Variants in ORC5 observed in about 807,000 individuals in gnomAD.
The protein encoded by ORC5 is origin recognition complex subunit 5.
Under a neutral mutation model 58.8 loss-of-function variants are expected in ORC5, and 39 were observed. The ratio of observed to expected loss-of-function variants is 0.66; its 90% CI spans 0.51 to 0.87. ORC5 has a LOEUF of 0.87. Ranked by LOEUF, ORC5 falls within the 40% of genes least tolerant of loss-of-function variation. The pLI is 0.00. For missense variants in ORC5, 493 were observed against 506.3 expected (o/e 0.97, Z 0.25); for synonymous variants, 218 against 177.6 (o/e 1.23, Z -1.81).
intron 12 of ORC5, among the ~76,000 whole-genome samples, chr7:104,153,813 T>TTA (rs1345107118): frequency 1.3e-5 from 2 of 152,306 alleles, no homozygotes; most frequent in African/African-American, 4.8e-5. Flanking sequence ...ATGTTACTCT[T>TTA]TATGTCTACA....
intron 12 of ORC5, among the ~76,000 whole-genome samples, chr7:104,158,763 C>G (rs962627230): frequency 6.6e-6 from 1 of 151,594 alleles, no homozygotes; most frequent in East Asian, 1.9e-4. Flanking sequence ...AAATGCAAAT[C>G]AAAACCACAA....
chr7:104,187,626 C>T (rs576010826), intron 6 of ORC5: 100 of 372,590 alleles, frequency 2.7e-4, no homozygotes, highest in African/African-American at 2.1e-3. Flanking sequence ...TTTCCTTTCC[C>T]ATCCCTACAA....
intron 12 of ORC5, among the ~76,000 whole-genome samples, chr7:104,160,806 TATTTA>T (rs1285855294): frequency 6.6e-6 from 1 of 152,170 alleles, no homozygotes. Flanking sequence ...TAATTATGAT[TATTTA>T]ATTTTAAAAA....
intron 12 of ORC5, among the ~76,000 whole-genome samples, chr7:104,157,714 A>T (rs1457201761): frequency 1.3e-5 from 2 of 152,096 alleles, no homozygotes; most frequent in Admixed American, 1.3e-4. Context: ...ATTGCTGAAG[A>T]GTTTATTTCT....
intron 8 of ORC5, among the ~76,000 whole-genome samples, chr7:104,180,297 A>G (rs1799407026): frequency 6.6e-6 from 1 of 151,976 alleles, no homozygotes; most frequent in Non-Finnish European, 1.5e-5. Context: ...CTTTTTTGGT[A>G]ACTGTCCCAA....
intron 13 of ORC5, among the ~76,000 whole-genome samples, chr7:104,134,194 G>A (rs1798554387): frequency 6.6e-6 from 1 of 151,990 alleles, no homozygotes; most frequent in South Asian, 2.1e-4. Context: ...GGCCGATGCA[G>A]GCAGATCAAC....
At chr7:104,165,475 T>C (rs1799092241) in intron 10 of ORC5, 193 bp from the exon 11 acceptor site, 1 of 416,318 alleles carries the variant, frequency 2.4e-6, no homozygotes, top group African/African-American at 2.1e-5. Context: ...TAGACTTGGA[T>C]TGGATATAAA....
intron 13 of ORC5, among the ~76,000 whole-genome samples, chr7:104,128,816 C>T (rs1798469743): frequency 6.6e-6 from 1 of 151,474 alleles, no homozygotes; most frequent in African/African-American, 2.4e-5. Context: ...TCTCCAGGCA[C>T]ATTTCTCCAC....
chr7:104,182,036 T>C (rs1799444697), intron 8 of ORC5, among the ~76,000 whole-genome samples: 4 of 152,208 alleles, frequency 2.6e-5, no homozygotes, highest in African/African-American at 7.2e-5. Context: ...GTTTTATGCA[T>C]TGTATTTGAG....
intron 5 of ORC5, among the ~76,000 whole-genome samples, chr7:104,192,065 T>C (rs1176029363): frequency 1.3e-5 from 2 of 152,180 alleles, no homozygotes; most frequent in East Asian, 3.9e-4. Flanking sequence ...CCAGGCTTTC[T>C]AACAAGAAGT....
In ORC5 at chr7:104,168,559, A is replaced by G. The variant is rs2307409; in HGVS notation, c.825-34T>C. ...AAATAGAAGAGCAAAAATGAATTAA[A>G]AATAAATAAAATCAATATGGTGTAC... On this transcript the variant is annotated intron_variant, in intron 8 of 13. Coordinates refer to ENST00000297431, the MANE Select transcript of ORC5 (RefSeq NM_002553.4). 0.02 allele frequency: 27,235 copies of G among 1,349,216 alleles called. 4,196 individuals carry two copies. In the African/African-American group the frequency reaches 0.34, roughly 17 times the overall value. The allele number at this position is 1,349,216 out of a possible 1,614,324, so 83.6% of individuals were successfully genotyped here.
At chr7:104,165,754 T>C (rs556163219) in intron 10 of ORC5, 1 of 158,552 alleles carries the variant, frequency 6.3e-6, no homozygotes, top group African/African-American at 2.4e-5. Flanking sequence ...AAACAATAGA[T>C]GTGGTCCTTG....
At chr7:104,157,851 C>T (rs1336512307) in intron 12 of ORC5, among the ~76,000 whole-genome samples, 1 of 152,070 alleles carries the variant, frequency 6.6e-6, no homozygotes, top group Admixed American at 6.6e-5. Context: ...TGACAACTAC[C>T]ACTACAATAT....
At chr7:104,152,345 T>C (rs535414386) in intron 12 of ORC5, among the ~76,000 whole-genome samples, 2 of 152,138 alleles carry the variant, frequency 1.3e-5, no homozygotes, top group African/African-American at 4.8e-5. Flanking sequence ...GGTCTCACTA[T>C]GTTGCCCAGG....
intron 6 of ORC5, among the ~76,000 whole-genome samples, chr7:104,187,348 A>C (rs1307104664): frequency 4.6e-5 from 7 of 152,234 alleles, no homozygotes; most frequent in Admixed American, 1.3e-4. Flanking sequence ...CTGAAATCTG[A>C]AACTTTCAAA....
intron 9 of ORC5, 44 bp from the exon 10 acceptor site, chr7:104,166,928 T>A: frequency 1.8e-6 from 2 of 1,139,998 alleles, no homozygotes; most frequent in Non-Finnish European, 2.6e-6. Flanking sequence ...TAGGCTAACA[T>A]TGGGTTTTAA....
At chr7:104,185,043 C>T (rs534159584) in intron 6 of ORC5, among the ~76,000 whole-genome samples, 27 of 139,298 alleles carry the variant, frequency 1.9e-4, no homozygotes, top group African/African-American at 6.7e-4. Flanking sequence ...TTTCTGCCCC[C>T]CACCTTTTGA....
chr7:104,162,910 A>G (rs1799046946), intron 11 of ORC5, among the ~76,000 whole-genome samples: 1 of 152,206 alleles, frequency 6.6e-6, no homozygotes, highest in African/African-American at 2.4e-5. Context: ...AACAATACAC[A>G]GCATTGTTTG....
At chr7:104,149,564 T>A (rs1240751130) in intron 12 of ORC5, among the ~76,000 whole-genome samples, 1 of 152,192 alleles carries the variant, frequency 6.6e-6, no homozygotes, top group African/African-American at 2.4e-5. Flanking sequence ...TAAAAAACTG[T>A]ATTAAAAGTC....
Sources: gnomAD v4.1 joint callset for allele counts (sites outside exome capture counted in the v4.1 genomes callset) on GRCh38, gnomAD v4.1.1 for gene constraint, MANE v1.5 for transcripts, NCBI Gene and HGNC (gene_info 2026-07-23, HGNC 2026-07-21) for gene names.